The following CHD1 variants were observed in gnomAD, a reference collection of about 807,000 sequenced individuals.
The protein encoded by CHD1 is chromodomain helicase DNA binding protein 1.
A neutral mutation model predicts 224.2 loss-of-function variants in CHD1; 36 were observed. That is an observed-to-expected ratio of 0.16 (90% CI 0.12 to 0.21). CHD1 has a LOEUF of 0.21. Ranked by LOEUF, CHD1 falls within the 10% of genes least tolerant of loss-of-function variation. The pLI is 1.00. For missense variants in CHD1, 1,378 were observed against 1,994.8 expected (o/e 0.69, Z 5.89); for synonymous variants, 668 against 658.3 (o/e 1.01, Z -0.23).
At chr5:98,887,506 A>C (rs1296955730) in intron 17 of CHD1, among the ~76,000 whole-genome samples, 1 of 152,200 alleles carries the variant, frequency 6.6e-6, no homozygotes, top group African/African-American at 2.4e-5. Context: ...AGAATTAAGT[A>C]ATTAGATCTG....
In CHD1 at chr5:98,898,470, T is replaced by G. The variant is rs778587619; in HGVS notation, c.1187-36A>C. 1.2e-5 allele frequency: 18 copies of G among 1,458,396 alleles called. No individual in the cohort carries two copies. The East Asian group carries it at 3.7e-4, about 30-fold the overall frequency. The allele number at this position is 1,458,396 out of a possible 1,614,324, so 90.3% of individuals were successfully genotyped here. A position where few individuals can be genotyped will look rare whatever the true frequency, so the allele number is the denominator to read the frequency against. On this transcript the variant is annotated intron_variant, in intron 9 of 35. Transcript: ENST00000614616. ...ATCAGGCATTTACTTATTTATTTATTTTTTTTTACATTTAATCATCAGATA... is the reference window on the plus strand; with the variant it reads ...ATCAGGCATTTACTTATTTATTTATGTTTTTTTACATTTAATCATCAGATA...
intron 31 of CHD1, among the ~76,000 whole-genome samples, chr5:98,867,070 CAA>C (rs757072885): frequency 6.6e-6 from 1 of 152,064 alleles, no homozygotes; most frequent in African/African-American, 2.4e-5. Flanking sequence ...CATTCTGCCT[CAA>C]GAGTCAGTAC....
At chr5:98,899,781 A>G in intron 7 of CHD1, 76 bp from the exon 8 acceptor site, 1 of 981,988 alleles carries the variant, frequency 1.0e-6, no homozygotes, top group Non-Finnish European at 1.6e-6. Context: ...AAATTTCAAT[A>G]ATATGAGTAC....
chr5:98,862,168 A>C (rs1748530115), intron 32 of CHD1, among the ~76,000 whole-genome samples: 1 of 152,172 alleles, frequency 6.6e-6, no homozygotes, highest in African/African-American at 2.4e-5. Context: ...AAAAATAAAT[A>C]AATCAAAATA....
intron 29 of CHD1, among the ~76,000 whole-genome samples, chr5:98,870,421 T>C (rs1421725566): frequency 2.0e-5 from 3 of 152,130 alleles, no homozygotes; most frequent in South Asian, 2.1e-4. Flanking sequence ...CTCCGCACGC[T>C]AAACGAGTTT....
At chr5:98,883,677 T>C (rs1038100305) in intron 18 of CHD1, among the ~76,000 whole-genome samples, 1 of 151,308 alleles carries the variant, frequency 6.6e-6, no homozygotes, top group Non-Finnish European at 1.5e-5. Flanking sequence ...GCAGCACAAT[T>C]TGCAACTGCA....
intron 31 of CHD1, among the ~76,000 whole-genome samples, chr5:98,867,801 T>G (rs1157986606): frequency 1.4e-5 from 2 of 146,022 alleles, no homozygotes; most frequent in Admixed American, 1.4e-4. Flanking sequence ...CCTTGTTTTT[T>G]TTTTTTTTTT....
chr5:98,858,019 A>C (rs563801197), intron 35 of CHD1, among the ~76,000 whole-genome samples, 161 bp downstream of exon 35: 56 of 152,250 alleles, frequency 3.7e-4, no homozygotes, highest in Non-Finnish European at 4.6e-4. Flanking sequence ...TTCAGTTCTT[A>C]AAATATATAC....
intron 22 of CHD1, among the ~76,000 whole-genome samples, chr5:98,880,154 T>C (rs1375426109): frequency 2.0e-5 from 3 of 152,220 alleles, no homozygotes; most frequent in Non-Finnish European, 4.4e-5. Context: ...ATAGAGCTCT[T>C]TGAGAGCACA....
rs753244609 is a variant in CHD1, at chr5:98,872,002, A to G, written c.3861+49T>C. ...ATAATTTAAAAGCAAGAATTAGAAT[A>G]AATTAAATTCAACATGAATGGTTAA... is the stretch of plus-strand genomic sequence containing the variant. On this transcript the variant is annotated intron_variant, in intron 28 of 35. Coordinates refer to ENST00000614616, the MANE Select transcript of CHD1 (RefSeq NM_001270.4). The G allele has an allele frequency of 3.4e-6, 5 of 1,451,446 alleles. No homozygotes were observed. In the African/African-American group the frequency reaches 5.8e-5, roughly 17 times the overall value. The allele number at this position is 1,451,446 out of a possible 1,614,324, so 89.9% of individuals were successfully genotyped here.
intron 16 of CHD1, among the ~76,000 whole-genome samples, chr5:98,888,766 A>T (rs1750816735): frequency 6.6e-6 from 1 of 152,224 alleles, no homozygotes. Flanking sequence ...CCAAATCACA[A>T]ATGCAGCACA....
At chr5:98,892,019 T>A (rs1751051831) in intron 15 of CHD1, among the ~76,000 whole-genome samples, 1 of 152,242 alleles carries the variant, frequency 6.6e-6, no homozygotes, top group Admixed American at 6.5e-5. Context: ...TAGCAATATA[T>A]TTCCTTTTAT....
In CHD1 at chr5:98,873,599, G is replaced by T; in HGVS notation, c.3565C>A (p.Arg1189=). 2 of 1,590,372 alleles carry T rather than the reference G, an allele frequency of 1.3e-6. No homozygotes were observed. Among genetic ancestry groups the T allele is most frequent in the Non-Finnish European group, 1.7e-6 (2 of 1,170,404 alleles). The change falls in exon 26 of 36, where the codon CGA becomes AGA. Residue 1189 remains arginine, a synonymous_variant. Transcript: ENST00000614616. ...ALKDSSSGTE[R]TGGRLGKVKG... is the part of the protein sequence containing the mutation. ...ACTCTCAGTTTAATGTTACCTGTTCGTTCTGTTCCTGAAGAACTATCCTTT... is the reference window on the plus strand; with the variant it reads ...ACTCTCAGTTTAATGTTACCTGTTCTTTCTGTTCCTGAAGAACTATCCTTT...
chr5:98,915,239 C>T (rs1257856543), intron 2 of CHD1, among the ~76,000 whole-genome samples: 1 of 152,218 alleles, frequency 6.6e-6, no homozygotes, highest in African/African-American at 2.4e-5. Context: ...GGTAGTTCCA[C>T]TGCTTTGTTA....
At chr5:98,916,531 G>C (rs1752745109) in intron 2 of CHD1, among the ~76,000 whole-genome samples, 1 of 108,380 alleles carries the variant, frequency 9.2e-6, no homozygotes. Flanking sequence ...GGCAACAAGA[G>C]TGAAACTCCG....
At chr5:98,883,599 C>T (rs928844694) in intron 18 of CHD1, among the ~76,000 whole-genome samples, 4 of 151,826 alleles carry the variant, frequency 2.6e-5, no homozygotes, top group Admixed American at 1.3e-4. Flanking sequence ...CCAGGAATCC[C>T]ACTACTGAGT....
intron 15 of CHD1, among the ~76,000 whole-genome samples, chr5:98,891,275 C>T (rs930611424): frequency 1.3e-5 from 2 of 152,032 alleles, no homozygotes; most frequent in African/African-American, 4.8e-5. Flanking sequence ...AGGGTTTTGC[C>T]ATGTTGCCTA....
intron 2 of CHD1, among the ~76,000 whole-genome samples, chr5:98,911,508 G>C (rs1388504000): frequency 6.6e-6 from 1 of 152,056 alleles, no homozygotes; most frequent in Non-Finnish European, 1.5e-5. Flanking sequence ...AATTTACATA[G>C]ACTCAAAGTG....
chr5:98,890,062 A>T lies in CHD1; in HGVS notation c.2181-824T>A, dbSNP rs567831011. ...CTGTCGACTACTAGAGGGGGGAAGG[A>T]GGGGAACATGGGTTGAAAACTACCC... On this transcript the variant is annotated intron_variant, in intron 15 of 35. Transcript: ENST00000614616. 2.4e-4 allele frequency among the ~76,000 whole-genome samples: 36 copies of T among 152,288 alleles called. No homozygotes were observed. The East Asian group carries it at 6.4e-3, about 27-fold the overall frequency.
Sources: allele counts gnomAD v4.1 joint callset (sites outside exome capture counted in the v4.1 genomes callset), GRCh38; gene constraint gnomAD v4.1.1; transcripts MANE v1.5; gene names NCBI Gene and HGNC (gene_info 2026-07-23, HGNC 2026-07-21).